IFT22: variants seen among roughly 807,000 people sequenced by gnomAD.
IFT22 encodes intraflagellar transport protein 22 homolog.
In IFT22, 13 loss-of-function variants were observed where a neutral mutation model predicts 21.0. That is an observed-to-expected ratio of 0.62 (90% CI 0.40 to 0.98). The LOEUF (loss-of-function observed/expected upper bound fraction) is 0.98. Among genes scored for constraint, IFT22 ranks in the 50% least tolerant of loss-of-function variants. IFT22 has a pLI of 0.00. For missense variants in IFT22, 227 were observed against 228.9 expected (o/e 0.99, Z 0.06); for synonymous variants, 67 against 82.4 (o/e 0.81, Z 1.01).
At chr7:101,315,696 C>CT (rs886927854) in intron 4 of IFT22, 2,878 of 187,210 alleles carry the variant, frequency 0.015, no homozygotes, top group South Asian at 0.038. Context: ...GTATTCTGCT[C>CT]TTTTTTTTTT....
At position 101,318,190 on chromosome 7, in the gene IFT22, T is replaced by C; in HGVS notation, c.140A>G (p.His47Arg). The C allele has an allele frequency of 1.9e-6, 3 of 1,613,214 alleles. No individual in the cohort carries two copies. Among genetic ancestry groups the C allele is most frequent in the Non-Finnish European group, 2.5e-6 (3 of 1,179,364 alleles). Residue 47 changes from histidine to arginine, a missense_variant, in exon 3 of 5, where the codon CAT becomes CGT. Physicochemically the swap from His to Arg is conservative, Grantham distance 29. Transcript: ENST00000315322. ...CGTGCCTTTGTTGTTGCTGGTAACATGCGGGTTCTCAAATTCTAGGATCCT... is the reference window on the plus strand; with the variant it reads ...CGTGCCTTTGTTGTTGCTGGTAACACGCGGGTTCTCAAATTCTAGGATCCT... Reference protein sequence around the residue: ...GVRILEFENPHVTSNNKGTGC... With the variant: ...GVRILEFENPRVTSNNKGTGC...
chr7:101,316,181 T>C (rs1406872201), intron 4 of IFT22, 159 bp downstream of exon 4: 2 of 658,080 alleles, frequency 3.0e-6, no homozygotes, highest in Admixed American at 5.5e-5. Flanking sequence ...GTATTTTTAG[T>C]AGAGACGTAG....
intron 1 of IFT22, among the ~76,000 whole-genome samples, chr7:101,320,081 C>G (rs554391851): frequency 3.3e-5 from 5 of 151,608 alleles, no homozygotes; most frequent in African/African-American, 1.2e-4. Flanking sequence ...CTCAGACTCC[C>G]GAGTCACTGG....
Position 101,315,023 on chromosome 7 carries a change from C to T in IFT22, c.*111G>A. On this transcript the variant is annotated 3_prime_UTR_variant, in exon 5 of 5. Transcript: ENST00000315322. ...TGCCTTCCTGCAGGTAGGAACACTT[C>T]CTCTGCAGTCAGAGGGAGAAGAAAA... 1 of 1,226,284 alleles carries T rather than the reference C, an allele frequency of 8.2e-7. No individual in the cohort carries two copies. Among genetic ancestry groups the T allele is most frequent in the Non-Finnish European group, 1.1e-6 (1 of 881,386 alleles). The allele number at this position is 1,226,284 out of a possible 1,614,324, so 76.0% of individuals were successfully genotyped here.
chr7:101,311,435 G>A lies in IFT22; in HGVS notation c.*3699C>T, dbSNP rs1389441784. On this transcript the variant is annotated 3_prime_UTR_variant, in exon 5 of 5. Transcript: ENST00000315322. ...TTAGTTCAGTTGACATTAATAATAC[G>A]CATGGTAATCCTAACAGGTGAATGT... Among the ~76,000 whole-genome samples, 2 of 152,124 alleles carry A rather than the reference G, an allele frequency of 1.3e-5. No homozygotes were observed. The highest frequency in any genetic ancestry group is 1.9e-4 in the East Asian group (1 of 5,192).
chr7:101,315,054 G>A lies in IFT22; in HGVS notation c.*80C>T. 2 of 1,464,222 alleles carry A rather than the reference G, an allele frequency of 1.4e-6. No individual in the cohort carries two copies. Among genetic ancestry groups the A allele is most frequent in the Non-Finnish European group, 1.9e-6 (2 of 1,077,216 alleles). The allele number at this position is 1,464,222 out of a possible 1,614,324, so 90.7% of individuals were successfully genotyped here. ...CAGTCAGAGGGAGAAGAAAACATCA[G>A]GAGCTGGATGTGATTTCAGATCTGC... On this transcript the variant is annotated 3_prime_UTR_variant, in exon 5 of 5. Coordinates refer to ENST00000315322, the MANE Select transcript of IFT22 (RefSeq NM_022777.4).
chr7:101,319,516 C>A (rs947030133), intron 1 of IFT22, among the ~76,000 whole-genome samples: 6 of 152,080 alleles, frequency 3.9e-5, no homozygotes, highest in Admixed American at 1.3e-4. Flanking sequence ...AGCCACTGTG[C>A]CCAGCCAAGG....
At position 101,321,730 on chromosome 7, in the gene IFT22, C is replaced by A; in HGVS notation, c.-21G>T. The A allele has an allele frequency of 6.3e-7, 1 of 1,586,214 alleles. No homozygotes were observed. Among genetic ancestry groups the A allele is most frequent in the Non-Finnish European group, 8.6e-7 (1 of 1,166,018 alleles). On this transcript the variant is annotated 5_prime_UTR_variant, in exon 1 of 5. Transcript: ENST00000315322. ...AGCATAGTTGTCCGCCGCGGCTTAG[C>A]CGGCCGGAGCCCACGGGAGGCGGCG...
chr7:101,315,079 C>T lies in IFT22; in HGVS notation c.*55G>A. On this transcript the variant is annotated 3_prime_UTR_variant, in exon 5 of 5. Coordinates refer to ENST00000315322, the MANE Select transcript of IFT22 (RefSeq NM_022777.4). ...GGAGCTGGATGTGATTTCAGATCTGCACCGAGAAACATGCTGATTTCACTG... is the reference window on the plus strand; with the variant it reads ...GGAGCTGGATGTGATTTCAGATCTGTACCGAGAAACATGCTGATTTCACTG... 4 of 1,575,218 alleles carry T rather than the reference C, an allele frequency of 2.5e-6. No homozygotes were observed. The highest frequency in any genetic ancestry group is 2.6e-6 in the Non-Finnish European group (3 of 1,157,340).
chr7:101,320,373 C>T (rs1233934365), intron 1 of IFT22, among the ~76,000 whole-genome samples: 1 of 151,972 alleles, frequency 6.6e-6, no homozygotes, highest in Non-Finnish European at 1.5e-5. Context: ...CGGGTTCACG[C>T]CTCAGCCTCC....
In IFT22 at chr7:101,321,748, A is replaced by T. The variant is rs1044871082; in HGVS notation, c.-39T>A. The T allele has an allele frequency of 6.4e-7, 1 of 1,568,646 alleles. No homozygotes were observed. Among genetic ancestry groups the T allele is most frequent in the Non-Finnish European group, 8.6e-7 (1 of 1,156,486 alleles). ...GGCTTAGCCGGCCGGAGCCCACGGG[A>T]GGCGGCGCGTCAGGACGGAGCTCTA... On this transcript the variant is annotated 5_prime_UTR_variant, in exon 1 of 5. Transcript: ENST00000315322.
At chr7:101,318,467 C>A (rs1319665358) in intron 2 of IFT22, 3 of 353,778 alleles carry the variant, frequency 8.5e-6, no homozygotes, top group Non-Finnish European at 1.6e-5. Flanking sequence ...TTGCAGTGAG[C>A]TGAGATCGTG....
chr7:101,318,045 G>A, intron 3 of IFT22, 79 bp downstream of exon 3: 1 of 1,239,384 alleles, frequency 8.1e-7, no homozygotes, highest in South Asian at 1.2e-5. Flanking sequence ...TGGAATTACA[G>A]GTGTGAGCCA....
Position 101,315,291 on chromosome 7 carries a change from T to C in IFT22, c.410-9A>G. The C allele has an allele frequency of 3.1e-6, 5 of 1,613,992 alleles. No homozygotes were observed. Among genetic ancestry groups the C allele is most frequent in the Non-Finnish European group, 4.2e-6 (5 of 1,179,998 alleles). ...CTTGTTCAAGGGTGGCGCTTGAAAA[T>C]GAAGATAAGGTTAATTAGGCAAAGA... On this transcript the variant is annotated splice_polypyrimidine_tract_variant and intron_variant, in intron 4 of 4. Coordinates refer to ENST00000315322, the MANE Select transcript of IFT22 (RefSeq NM_022777.4).
chr7:101,316,482 A>AT lies in IFT22; in HGVS notation c.266dup (p.Asn89LysfsTer3), dbSNP rs1790155614. On this transcript the variant is annotated frameshift_variant, in exon 4 of 5. Coordinates refer to ENST00000315322, the MANE Select transcript of IFT22 (RefSeq NM_022777.4). LOFTEE classifies it high-confidence loss of function. ...CCTTCCGGTGGCTTGGGATGTCAGCATTGAAGACGATCACCACTCCATGAG... is the reference window on the plus strand; with the variant it reads ...CCTTCCGGTGGCTTGGGATGTCAGCATTTGAAGACGATCACCACTCCATGAG... The AT allele has an allele frequency of 6.2e-7, 1 of 1,614,176 alleles. No homozygotes were observed. Among genetic ancestry groups the AT allele is most frequent in the Non-Finnish European group, 8.5e-7 (1 of 1,180,034 alleles).
rs1195483496 is a variant in IFT22, at chr7:101,312,298, G to T, written c.*2836C>A. 6.6e-6 allele frequency among the ~76,000 whole-genome samples: 1 copy of T among 152,084 alleles called. No homozygotes were observed. Among genetic ancestry groups the T allele is most frequent in the Non-Finnish European group, 1.5e-5 (1 of 68,038 alleles). On this transcript the variant is annotated 3_prime_UTR_variant, in exon 5 of 5. Coordinates refer to ENST00000315322, the MANE Select transcript of IFT22 (RefSeq NM_022777.4). ...ATTAGTGGGCTGGACCATTACTGGT[G>T]TGTGTATCTCTAGTCTCAACTACTC...
chr7:101,318,727 C>A (rs544968035), intron 2 of IFT22: 11 of 475,102 alleles, frequency 2.3e-5, no homozygotes, highest in African/African-American at 1.9e-4. Flanking sequence ...GCCTCCAACT[C>A]CTGGCCTCAA....
At chr7:101,320,380 C>G (rs1305108507) in intron 1 of IFT22, among the ~76,000 whole-genome samples, 1 of 151,946 alleles carries the variant, frequency 6.6e-6, no homozygotes, top group Non-Finnish European at 1.5e-5. Context: ...ACGCCTCAGC[C>G]TCCCGAGTAG....
At chr7:101,319,597 A>T (rs1345234803) in intron 1 of IFT22, among the ~76,000 whole-genome samples, 1 of 147,702 alleles carries the variant, frequency 6.8e-6, no homozygotes, top group Non-Finnish European at 1.5e-5. Context: ...ATAATCTCAC[A>T]TGCAGCTGTT....
Sources: gnomAD v4.1 joint callset for allele counts (sites outside exome capture counted in the v4.1 genomes callset) on GRCh38, gnomAD v4.1.1 for gene constraint, MANE v1.5 for transcripts, NCBI Gene and HGNC (gene_info 2026-07-23, HGNC 2026-07-21) for gene names.